The following ABTB2 variants were observed in gnomAD, a reference collection of about 807,000 sequenced individuals.
ABTB2 encodes the protein ankyrin repeat and BTB/POZ domain-containing protein 2.
A neutral mutation model predicts 104.1 loss-of-function variants in ABTB2; 56 were observed. The ratio of observed to expected loss-of-function variants is 0.54; its 90% confidence interval spans 0.43 to 0.67. ABTB2 has a LOEUF of 0.67. Among genes scored for constraint, ABTB2 ranks in the 30% least tolerant of loss-of-function variants. The pLI is 0.00. For missense variants in ABTB2, 1,279 were observed against 1,407.7 expected (o/e 0.91, Z 1.46); for synonymous variants, 606 against 608.2 (o/e 1.00, Z 0.05).
intron 1 of ABTB2, among the ~76,000 whole-genome samples, chr11:34,315,206 G>A (rs1799549170): frequency 6.6e-6 from 1 of 152,208 alleles, no homozygotes; most frequent in African/African-American, 2.4e-5. Flanking sequence ...AACTAACTGG[G>A]ACCAGACCCT....
At chr11:34,158,698 C>T (rs369591931) in intron 14 of ABTB2, among the ~76,000 whole-genome samples, 1 of 152,240 alleles carries the variant, frequency 6.6e-6, no homozygotes, top group African/African-American at 2.4e-5. Flanking sequence ...CTTGTCTGCC[C>T]TGACTGGAGT....
chr11:34,204,795 A>C, intron 1 of ABTB2, 105 bp from the exon 2 acceptor site: 1 of 1,313,392 alleles, frequency 7.6e-7, no homozygotes. Context: ...TGCTCTTGAC[A>C]GAGAGAGGTT....
chr11:34,168,129 G>A, intron 5 of ABTB2, 137 bp from the exon 6 acceptor site: 1 of 853,686 alleles, frequency 1.2e-6, no homozygotes, highest in Non-Finnish European at 1.9e-6. Flanking sequence ...CCCAGGCTCT[G>A]TGCTTCCTGG....
chr11:34,317,477 C>T (rs73497391), intron 1 of ABTB2, among the ~76,000 whole-genome samples: 11,815 of 152,014 alleles, frequency 0.078, 729 homozygotes, highest in African/African-American at 0.17. Context: ...ACTTGGTCAA[C>T]GAAATTAAGA....
intron 5 of ABTB2, among the ~76,000 whole-genome samples, 184 bp from the exon 6 acceptor site, chr11:34,168,176 G>T (rs1285745188): frequency 6.6e-6 from 1 of 152,186 alleles, no homozygotes; most frequent in East Asian, 1.9e-4. Context: ...GTGAGTGGGG[G>T]CACTGCCATG....
chr11:34,227,072 A>G (rs7118745), intron 1 of ABTB2, among the ~76,000 whole-genome samples: 92,162 of 151,508 alleles, frequency 0.61, 28,305 homozygotes, highest in Non-Finnish European at 0.66. Context: ...AAAGGAGTTC[A>G]AGATCAGCCT....
intron 1 of ABTB2, among the ~76,000 whole-genome samples, chr11:34,215,335 A>G (rs1456108301): frequency 6.6e-6 from 1 of 152,194 alleles, no homozygotes; most frequent in Admixed American, 6.5e-5. Flanking sequence ...GAAGAAAGGG[A>G]TCAAAAGGGC....
intron 3 of ABTB2, among the ~76,000 whole-genome samples, chr11:34,188,702 C>G (rs1853134604): frequency 6.6e-6 from 1 of 152,190 alleles, no homozygotes; most frequent in Non-Finnish European, 1.5e-5. Context: ...ACTCAGAAGT[C>G]AGTAGCATAA....
intron 1 of ABTB2, among the ~76,000 whole-genome samples, chr11:34,237,930 A>T (rs73495524): frequency 0.041 from 6,230 of 151,998 alleles, 460 homozygotes; most frequent in African/African-American, 0.14. Flanking sequence ...GCCACCCACC[A>T]CCACCCTGGA....
At chr11:34,327,399 G>A (rs1855082064) in intron 1 of ABTB2, among the ~76,000 whole-genome samples, 2 of 152,262 alleles carry the variant, frequency 1.3e-5, no homozygotes, top group African/African-American at 4.8e-5. Flanking sequence ...AAGATCCTCT[G>A]TGTCCCACCC....
intron 1 of ABTB2, among the ~76,000 whole-genome samples, chr11:34,339,914 G>A (rs1284452660): frequency 6.6e-6 from 1 of 152,128 alleles, no homozygotes; most frequent in East Asian, 1.9e-4. Flanking sequence ...GGTGGTGCTT[G>A]TTAGCTTGTT....
intron 1 of ABTB2, among the ~76,000 whole-genome samples, chr11:34,264,668 C>T (rs1410533304): frequency 6.6e-6 from 1 of 152,190 alleles, no homozygotes; most frequent in African/African-American, 2.4e-5. Context: ...CAATGCTCTC[C>T]CTGTTCTGGG....
At chr11:34,330,885 T>C (rs1024208237) in intron 1 of ABTB2, among the ~76,000 whole-genome samples, 4 of 152,256 alleles carry the variant, frequency 2.6e-5, no homozygotes, top group Non-Finnish European at 4.4e-5. Flanking sequence ...TTTCCAGAGC[T>C]ACATCTGCAA....
At chr11:34,314,358 C>T (rs192537525) in intron 1 of ABTB2, among the ~76,000 whole-genome samples, 9 of 152,272 alleles carry the variant, frequency 5.9e-5, no homozygotes, top group African/African-American at 1.7e-4. Context: ...TCGATGAGGG[C>T]GGGACCAGGT....
chr11:34,302,904 C>G, intron 1 of ABTB2, among the ~76,000 whole-genome samples: 1 of 152,164 alleles, frequency 6.6e-6, no homozygotes, highest in East Asian at 1.9e-4. Flanking sequence ...AAATGGGAAC[C>G]TCTATCTAGG....
rs749976188 is a variant in ABTB2, at chr11:34,162,662, C to T, written c.2132G>A (p.Arg711Gln). 4.8e-5 allele frequency: 77 copies of T among 1,613,218 alleles called. No individual in the cohort carries two copies. The highest frequency in any genetic ancestry group is 6.7e-5 in the African/African-American group (5 of 74,930). Residue 711 changes from arginine (R) to glutamine (Q), a missense_variant, in exon 10 of 17, where the codon CGG (arginine) becomes CAG (glutamine). Physicochemically the swap from Arg to Gln is conservative, Grantham distance 43. Coordinates refer to ENST00000435224, the MANE Select transcript of ABTB2 (RefSeq NM_145804.3). ...SGSEGPVRLS[R>Q]TRTKALQEAM... is the part of the protein sequence containing the mutation. ...CTCCTGTAGGGCCTTGGTGCGGGTC[C>T]GGCTCAGCCGCACGGGCCCCTCGCT...
chr11:34,202,293 C>A (rs1853352088), intron 2 of ABTB2, among the ~76,000 whole-genome samples: 1 of 152,044 alleles, frequency 6.6e-6, no homozygotes. Context: ...ACTTGAGGAT[C>A]AAGGGGAAAG....
intron 1 of ABTB2, among the ~76,000 whole-genome samples, chr11:34,320,929 TCCCAGCACTTTGG>T (rs1413076701): frequency 6.6e-6 from 1 of 152,220 alleles, no homozygotes; most frequent in Non-Finnish European, 1.5e-5. Flanking sequence ...ACGCCTGTAA[TCCCAGCACTTTGG>T]GAGGCTGAGG....
At chr11:34,283,611 C>T (rs995181914) in intron 1 of ABTB2, among the ~76,000 whole-genome samples, 1 of 152,184 alleles carries the variant, frequency 6.6e-6, no homozygotes, top group African/African-American at 2.4e-5. Context: ...ATCTAAGCTT[C>T]AAAGTTCCAA....
Sources: gnomAD v4.1 joint callset for allele counts (sites outside exome capture counted in the v4.1 genomes callset) on GRCh38, gnomAD v4.1.1 for gene constraint, MANE v1.5 for transcripts, NCBI Gene and HGNC (gene_info 2026-07-23, HGNC 2026-07-21) for gene names.